DOCK10: variants seen among roughly 807,000 people sequenced by gnomAD.
DOCK10 encodes the protein dedicator of cytokinesis protein 10.
A neutral mutation model predicts 280.1 loss-of-function variants in DOCK10; 145 were observed. The ratio of observed to expected loss-of-function variants is 0.52; its 90% CI spans 0.45 to 0.59. The LOEUF is 0.59. Ranked by LOEUF, DOCK10 falls within the 20% of genes least tolerant of loss-of-function variation. The pLI, the probability that DOCK10 is intolerant of heterozygous loss-of-function variation, is 0.00. For missense variants in DOCK10, 2,368 were observed against 2,651.7 expected, an observed-to-expected ratio of 0.89 and a Z score of 2.35; for synonymous variants, 915 against 942.2, an observed-to-expected ratio of 0.97 and a Z score of 0.53.
intron 27 of DOCK10, among the ~76,000 whole-genome samples, chr2:224,828,626 G>A (rs921812473): frequency 6.6e-6 from 1 of 152,162 alleles, no homozygotes; most frequent in Non-Finnish European, 1.5e-5. Context: ...CTGTTGGCAG[G>A]AGGAGCAGTC....
In DOCK10 at chr2:224,839,845, T is replaced by C. The variant is rs917052462; in HGVS notation, c.2780+109A>G. On this transcript the variant is annotated intron_variant, in intron 24 of 55. Coordinates refer to ENST00000258390, the MANE Select transcript of DOCK10 (RefSeq NM_014689.3). ...GGAAAATGCTTAAATTTGAGATGTG[T>C]TCAAATGAAATGTAAACACACAACA... 44 of 483,704 alleles carry C rather than the reference T, an allele frequency of 9.1e-5. 1 individual carries two copies. Among genetic ancestry groups the C allele is most frequent in the Non-Finnish European group, 5.5e-5 (15 of 272,988 alleles). 30.0% of individuals were successfully genotyped at this position (483,704 alleles called of 1,614,324 possible).
intron 2 of DOCK10, among the ~76,000 whole-genome samples, chr2:224,921,109 A>ATATATATATATATATATATATATATAT (rs1559767727): frequency 1.1e-4 from 9 of 79,730 alleles, no homozygotes; most frequent in African/African-American, 5.0e-4. Flanking sequence ...AAAAAAAAAA[A>ATATATATATATATATATATATATATAT]AAAATATATA....
At position 224,770,577 on chromosome 2, in the gene DOCK10, G is replaced by T; in HGVS notation, c.6273C>A (p.Asp2091Glu). The change falls in exon 54 of 56, where the codon GAC (aspartate) becomes GAA (glutamate). Residue 2091 changes from aspartate to glutamate, a missense_variant. This residue lies in a region of DOCK10 where 1,159 missense variants were observed against 1,400.8 expected (regional missense o/e 0.83). Transcript: ENST00000258390. This position sits in a 1 kb window ranked among gnomAD's most constrained non-coding sequence, Gnocchi z 4.5. The part of the protein sequence containing the change: ...LEETNAKKYP[D>E]NQVKLLKEIF... ...TCTCCTTCAAAAGCTTTACTTGGTT[G>T]TCAGGGTACTTCTTTGCATTGGTTT... The T allele has an allele frequency of 6.2e-7, 1 of 1,613,966 alleles. No homozygotes were observed. The highest frequency in any genetic ancestry group is 8.5e-7 in the Non-Finnish European group (1 of 1,179,822).
intron 41 of DOCK10, among the ~76,000 whole-genome samples, chr2:224,799,146 CT>C (rs1417329096): frequency 6.6e-6 from 1 of 152,074 alleles, no homozygotes; most frequent in Non-Finnish European, 1.5e-5. Context: ...TTTTTAAATA[CT>C]TTTTTTTGTA....
chr2:224,961,481 T>C (rs948594950), intron 1 of DOCK10, among the ~76,000 whole-genome samples: 1 of 148,910 alleles, frequency 6.7e-6, no homozygotes, highest in South Asian at 2.1e-4. Context: ...TCTTTCTTTC[T>C]TTCTCTTTCT....
intron 53 of DOCK10, among the ~76,000 whole-genome samples, chr2:224,771,477 C>T (rs1345911081): frequency 1.3e-5 from 2 of 152,194 alleles, no homozygotes; most frequent in African/African-American, 4.8e-5. Flanking sequence ...GGCTTAGATT[C>T]TGGCTCAAGG....
intron 3 of DOCK10, among the ~76,000 whole-genome samples, chr2:224,910,693 A>G (rs1700957886): frequency 6.6e-6 from 1 of 152,176 alleles, no homozygotes; most frequent in South Asian, 2.1e-4. Context: ...TTGCAGTGTA[A>G]TTCTCTGGGA....
chr2:225,004,041 T>G (rs115454897), intron 1 of DOCK10, among the ~76,000 whole-genome samples: 161 of 152,354 alleles, frequency 1.1e-3, no homozygotes, highest in African/African-American at 3.8e-3. Context: ...TTTTCTCGTT[T>G]CGTTTTGTCT....
rs934170761 is a variant in DOCK10, at chr2:225,042,044, A to C, written c.123+208T>G. Among the ~76,000 whole-genome samples, 7 of 152,006 alleles carry C rather than the reference A, an allele frequency of 4.6e-5. No homozygotes were observed. Among genetic ancestry groups the C allele is most frequent in the African/African-American group, 1.4e-4 (6 of 41,420 alleles). ...CTCCTCTGAGCGTCCCGCGTGCACAAACGCGCCCCCGGTCCTTACGCGTCG... is the reference window on the plus strand; with the variant it reads ...CTCCTCTGAGCGTCCCGCGTGCACACACGCGCCCCCGGTCCTTACGCGTCG... On this transcript the variant is annotated intron_variant, in intron 1 of 55. Coordinates refer to ENST00000258390, the MANE Select transcript of DOCK10 (RefSeq NM_014689.3). The surrounding 1 kb of genome is among the most constrained non-coding windows in gnomAD (Gnocchi z 5.1).
At chr2:224,789,928 C>A (rs1201934205) in intron 47 of DOCK10, among the ~76,000 whole-genome samples, 4 of 151,978 alleles carry the variant, frequency 2.6e-5, no homozygotes, top group African/African-American at 7.2e-5. Context: ...TTACAGGTGC[C>A]CGCCACCACG....
At chr2:224,963,782 C>T (rs150825751) in intron 1 of DOCK10, among the ~76,000 whole-genome samples, 72 of 152,152 alleles carry the variant, frequency 4.7e-4, no homozygotes, top group Middle Eastern at 3.4e-3. Flanking sequence ...GTTAGTTACT[C>T]GAAGTTAAAA....
At chr2:224,826,714 C>T (rs1694879418) in intron 27 of DOCK10, among the ~76,000 whole-genome samples, 1 of 150,770 alleles carries the variant, frequency 6.6e-6, no homozygotes, top group South Asian at 2.1e-4. Context: ...CATGACGAAA[C>T]CCCATCTTTA....
chr2:224,962,008 A>G (rs1488494556), intron 1 of DOCK10, among the ~76,000 whole-genome samples: 1 of 152,182 alleles, frequency 6.6e-6, no homozygotes, highest in Non-Finnish European at 1.5e-5. Flanking sequence ...GAACTAGGGC[A>G]GATGCCAGGT....
intron 2 of DOCK10, among the ~76,000 whole-genome samples, chr2:224,924,403 C>A (rs1396231157): frequency 6.6e-6 from 1 of 152,144 alleles, no homozygotes; most frequent in Non-Finnish European, 1.5e-5. Context: ...TCTCCTTTCT[C>A]TCTCTATGGA....
At position 224,819,453 on chromosome 2, in the gene DOCK10, T is replaced by C. The variant is rs1450589782; in HGVS notation, c.3260A>G (p.Asp1087Gly). Reference protein sequence around the residue: ...NNYISMFSSGDLKTLCQYKFD... With the variant: ...NNYISMFSSGGLKTLCQYKFD... ...CCTGTACGTGGTTCTTACCTTAAGG[T>C]CACCGGAGGAGAACATGCTGATGTA... The change falls in exon 29 of 56, where the codon GAC becomes GGC. Residue 1087 changes from aspartate (D) to glycine (G), a missense_variant. Transcript: ENST00000258390. The C allele has an allele frequency of 3.7e-6, 6 of 1,605,466 alleles. No individual in the cohort carries two copies. Among genetic ancestry groups the C allele is most frequent in the Non-Finnish European group, 5.1e-6 (6 of 1,175,054 alleles).
At chr2:224,845,399 T>C in intron 20 of DOCK10, 75 bp from the exon 21 acceptor site, 1 of 1,538,316 alleles carries the variant, frequency 6.5e-7, no homozygotes, top group Non-Finnish European at 8.8e-7. Context: ...TGCTATTTAT[T>C]ATTTACGAAC....
rs35813535 is a variant in DOCK10 at position 224,949,885 on chromosome 2, A to G, written c.124-18217T>C. Among the ~76,000 whole-genome samples the G allele has an allele frequency of 1.6e-4, 24 of 152,198 alleles. No individual in the cohort carries two copies. The South Asian group carries it at 2.7e-3, about 17-fold the overall frequency. On this transcript the variant is annotated intron_variant, in intron 1 of 55. Transcript: ENST00000258390. ...CATAGTATGCATAACTATTAGTTAC[A>G]ACAAAGGCAAAAAGGCAGGCCAAAG...
At chr2:224,926,294 T>C (rs904429901) in intron 2 of DOCK10, among the ~76,000 whole-genome samples, 3 of 152,356 alleles carry the variant, frequency 2.0e-5, no homozygotes, top group Non-Finnish European at 4.4e-5. Flanking sequence ...TGATAATCTA[T>C]TGAATGCCTA....
intron 15 of DOCK10, among the ~76,000 whole-genome samples, chr2:224,856,165 A>T (rs1004762276): frequency 1.3e-5 from 2 of 152,244 alleles, no homozygotes; most frequent in African/African-American, 2.4e-5. Flanking sequence ...CTGAGAATAA[A>T]GGCCATAAAG....
Sources: gnomAD v4.1 joint callset for allele counts (sites outside exome capture counted in the v4.1 genomes callset) on GRCh38, gnomAD v4.1.1 for gene constraint, gnomAD v4.1.1 regional missense constraint, Gnocchi (gnomAD v3.1) non-coding constraint, MANE v1.5 for transcripts, NCBI Gene and HGNC (gene_info 2026-07-23, HGNC 2026-07-21) for gene names.